The following STON2 variants were observed in gnomAD, a reference collection of about 807,000 sequenced individuals.
STON2 encodes the protein stonin-2.
Under a neutral mutation model 65.7 loss-of-function variants are expected in STON2, and 29 were observed. The ratio of observed to expected loss-of-function variants is 0.44; its 90% CI spans 0.33 to 0.60. The LOEUF (loss-of-function observed/expected upper bound fraction) is 0.60. STON2 is among the 20% of genes least tolerant of loss of function. The pLI is 0.03. For synonymous variants in STON2, 404 were observed against 414.2 expected, an observed-to-expected ratio of 0.98 and a Z score of 0.30; for missense variants, 1,054 against 1,118.1, an observed-to-expected ratio of 0.94 and a Z score of 0.82.
At chr14:81,317,613 G>T (rs8021083) in intron 5 of STON2, among the ~76,000 whole-genome samples, 1 of 152,104 alleles carries the variant, frequency 6.6e-6, no homozygotes, top group African/African-American at 2.4e-5. Flanking sequence ...ATGTGCCATC[G>T]GGAAGGGACA....
At chr14:81,370,374 G>A (rs917571183) in intron 4 of STON2, among the ~76,000 whole-genome samples, 12 of 152,180 alleles carry the variant, frequency 7.9e-5, no homozygotes, top group African/African-American at 2.7e-4. Context: ...TTCAGCACTT[G>A]TTAACAGACC....
At chr14:81,343,719 T>C (rs938361941) in intron 4 of STON2, among the ~76,000 whole-genome samples, 76 of 152,206 alleles carry the variant, frequency 5.0e-4, no homozygotes, top group African/African-American at 1.8e-3. Context: ...GAAAAGTACA[T>C]TATATTGTCA....
intron 5 of STON2, among the ~76,000 whole-genome samples, chr14:81,280,096 C>CT (rs1304626913): frequency 1.3e-5 from 2 of 152,090 alleles, no homozygotes; most frequent in African/African-American, 4.8e-5. Flanking sequence ...ATATAATCTC[C>CT]TTTTTTTCTC....
Position 81,263,039 on chromosome 14 carries a change from T to C in STON2, c.*5375A>G. ...CCTAATTTTATGTAAAGGGTCGTCATGGTTTGAATGGGACTTAGTAGTAAA... is the reference window on the plus strand; with the variant it reads ...CCTAATTTTATGTAAAGGGTCGTCACGGTTTGAATGGGACTTAGTAGTAAA... On this transcript the variant is annotated 3_prime_UTR_variant, in exon 8 of 8. Coordinates refer to ENST00000614646, the MANE Select transcript of STON2 (RefSeq NM_001394390.1). 1 of 985,424 alleles carries C rather than the reference T, an allele frequency of 1.0e-6. No homozygotes were observed. Among genetic ancestry groups the C allele is most frequent in the African/African-American group, 1.7e-5 (1 of 57,364 alleles). The allele number at this position is 985,424 out of a possible 1,614,324, so 61.0% of individuals were successfully genotyped here. A position where few individuals can be genotyped will look rare whatever the true frequency, so the allele number is the denominator to read the frequency against.
chr14:81,287,423 AACTACC>A (rs897336986), intron 5 of STON2, among the ~76,000 whole-genome samples: 1 of 152,190 alleles, frequency 6.6e-6, no homozygotes, highest in African/African-American at 2.4e-5. Flanking sequence ...CAGTTCATCA[AACTACC>A]ACTTAACATT....
At chr14:81,382,379 C>CA (rs1444046927) in intron 3 of STON2, among the ~76,000 whole-genome samples, 5 of 151,986 alleles carry the variant, frequency 3.3e-5, no homozygotes, top group Non-Finnish European at 7.4e-5. Flanking sequence ...ACAATTCCCA[C>CA]AAAAAATGTA....
intron 5 of STON2, among the ~76,000 whole-genome samples, chr14:81,280,523 T>G (rs545079522): frequency 6.6e-6 from 1 of 152,238 alleles, no homozygotes; most frequent in East Asian, 1.9e-4. Context: ...CAAAGGGAAA[T>G]GGATACTCAA....
In STON2 at chr14:81,344,434, C is replaced by T. The variant is rs1171072905; in HGVS notation, c.572-20247G>A. Among the ~76,000 whole-genome samples, 4 of 152,160 alleles carry T rather than the reference C, an allele frequency of 2.6e-5. No homozygotes were observed. The East Asian group carries it at 7.7e-4, about 29-fold the overall frequency. Reference sequence around the variant, plus strand: ...CAAAATTAAATAGAGGCCAATACAGCAAAATGATTACACATTCTATTCTGT... The same window carrying T: ...CAAAATTAAATAGAGGCCAATACAGTAAAATGATTACACATTCTATTCTGT... On this transcript the variant is annotated intron_variant, in intron 4 of 7. Transcript: ENST00000614646.
upstream of STON2, among the ~76,000 whole-genome samples, chr14:81,404,687 C>T (rs1411049170): frequency 3.3e-5 from 5 of 151,868 alleles, no homozygotes; most frequent in African/African-American, 1.2e-4. Context: ...AAAATGTTTC[C>T]GTAGAGACAG....
chr14:81,426,972 C>T (rs1022756538), intron 2 of STON2: 2 of 152,218 alleles, frequency 1.3e-5, no homozygotes, highest in African/African-American at 4.8e-5. Flanking sequence ...CTTCTCATCT[C>T]TCAGACATTG....
intron 4 of STON2, among the ~76,000 whole-genome samples, chr14:81,352,224 C>T (rs1047797463): frequency 2.0e-5 from 3 of 152,032 alleles, no homozygotes; most frequent in African/African-American, 7.2e-5. Flanking sequence ...CCAAGAACTA[C>T]CATTATTTCC....
At chr14:81,425,147 C>T (rs1159256536) in intron 2 of STON2, among the ~76,000 whole-genome samples, 2 of 152,210 alleles carry the variant, frequency 1.3e-5, no homozygotes, top group African/African-American at 2.4e-5. Flanking sequence ...TGATTCTCCA[C>T]ATCTCTGGGT....
intron 5 of STON2, among the ~76,000 whole-genome samples, chr14:81,282,509 G>GCTACTA (rs899592057): frequency 1.3e-5 from 2 of 151,592 alleles, no homozygotes; most frequent in Non-Finnish European, 2.9e-5. Context: ...TAGTACTACT[G>GCTACTA]CTACTACTAC....
At chr14:81,317,198 C>T (rs1047948009) in intron 5 of STON2, among the ~76,000 whole-genome samples, 1 of 152,088 alleles carries the variant, frequency 6.6e-6, no homozygotes, top group Non-Finnish European at 1.5e-5. Context: ...AGATGCTAGG[C>T]TCTTTTAAAC....
At position 81,305,749 on chromosome 14, in the gene STON2, C is replaced by T. The variant is rs74065080; in HGVS notation, c.742+18268G>A. Among the ~76,000 whole-genome samples the T allele has an allele frequency of 9.2e-3, 1,394 of 151,416 alleles. 19 individuals carry two copies. The highest frequency in any genetic ancestry group is 0.031 in the African/African-American group (1,277 of 41,282). ...ATCAATTTTTTCCTTTATGGTTAGTCCTTTTTAAGTCTCGTTTAAGATATA... is the reference window on the plus strand; with the variant it reads ...ATCAATTTTTTCCTTTATGGTTAGTTCTTTTTAAGTCTCGTTTAAGATATA... On this transcript the variant is annotated intron_variant, in intron 5 of 7. Coordinates refer to ENST00000614646, the MANE Select transcript of STON2 (RefSeq NM_001394390.1).
In STON2 at chr14:81,277,219, C is replaced by T. The variant is rs980294403; in HGVS notation, c.2263G>A (p.Gly755Arg). The change falls in exon 6 of 8, where the codon GGG becomes AGG. Residue 755 changes from glycine (G) to arginine (R), a missense_variant. Coordinates refer to ENST00000614646, the MANE Select transcript of STON2 (RefSeq NM_001394390.1). Reference protein sequence around the residue: ...FTLRTATSVNGAEVEVQSWLR... With the variant: ...FTLRTATSVNRAEVEVQSWLR... ...CAGCTCTGCACCTCCACCTCTGCCC[C>T]ATTGACACTTGTGGCCGTCCTGAGT... The T allele has an allele frequency of 6.2e-7, 1 of 1,614,212 alleles. No individual in the cohort carries two copies. Among genetic ancestry groups the T allele is most frequent in the Middle Eastern group, 1.6e-4 (1 of 6,062 alleles).
chr14:81,408,195 A>G (rs1011801671), intron 2 of STON2, among the ~76,000 whole-genome samples: 1 of 151,934 alleles, frequency 6.6e-6, no homozygotes, highest in African/African-American at 2.4e-5. Flanking sequence ...AGGTACCTTG[A>G]TGCTCCTAAA....
At chr14:81,350,459 G>A (rs559470571) in intron 4 of STON2, among the ~76,000 whole-genome samples, 1 of 150,122 alleles carries the variant, frequency 6.7e-6, no homozygotes, top group Admixed American at 6.6e-5. Context: ...AAGAAAGGCA[G>A]TCCATTGTTT....
intron 4 of STON2, among the ~76,000 whole-genome samples, chr14:81,364,868 T>C (rs1898650775): frequency 6.6e-6 from 1 of 152,098 alleles, no homozygotes; most frequent in African/African-American, 2.4e-5. Flanking sequence ...GCCACCCGTA[T>C]GGTAAATCCA....
Sources: allele counts gnomAD v4.1 joint callset (sites outside exome capture counted in the v4.1 genomes callset), GRCh38; gene constraint gnomAD v4.1.1; transcripts MANE v1.5; gene names NCBI Gene and HGNC (gene_info 2026-07-23, HGNC 2026-07-21).